CTNNA3: variants seen among roughly 807,000 people sequenced by gnomAD.
CTNNA3 encodes catenin alpha 3.
In CTNNA3, 76 loss-of-function variants were observed where a neutral mutation model predicts 95.7. The observed-to-expected ratio is 0.79, with a 90% confidence interval of 0.66 to 0.96. The LOEUF (loss-of-function observed/expected upper bound fraction) is 0.96, where lower values mean the gene tolerates loss of function less well. Ranked by LOEUF, CTNNA3 falls within the 40% of genes least tolerant of loss-of-function variation. The pLI is 0.00. For synonymous variants in CTNNA3, 431 were observed against 374.4 expected (o/e 1.15, Z -1.74); for missense variants, 1,191 against 1,089.8 (o/e 1.09, Z -1.31).
intron 9 of CTNNA3, among the ~76,000 whole-genome samples, chr10:66,680,062 G>A (rs546289056): frequency 1.4e-4 from 21 of 152,064 alleles, no homozygotes; most frequent in African/African-American, 4.1e-4. Flanking sequence ...GCTTGATCTC[G>A]GCTCACTGCA....
At chr10:67,201,377 T>C (rs567533500) in intron 6 of CTNNA3, among the ~76,000 whole-genome samples, 1 of 152,308 alleles carries the variant, frequency 6.6e-6, no homozygotes, top group South Asian at 2.1e-4. Flanking sequence ...CTGCAGGACA[T>C]GACATATGCC....
chr10:67,455,523 G>A (rs2132976705), intron 5 of CTNNA3, among the ~76,000 whole-genome samples: 1 of 152,176 alleles, frequency 6.6e-6, no homozygotes, highest in Admixed American at 6.6e-5. Flanking sequence ...CCTTGCAGTG[G>A]AAAAACCTGG....
intron 7 of CTNNA3, among the ~76,000 whole-genome samples, chr10:66,954,598 T>C (rs1039500051): frequency 6.6e-6 from 1 of 152,176 alleles, no homozygotes; most frequent in Non-Finnish European, 1.5e-5. Flanking sequence ...GTTAAAATTA[T>C]GTCAAATTGT....
intron 11 of CTNNA3, among the ~76,000 whole-genome samples, chr10:66,438,170 C>T (rs80106316): frequency 0.022 from 3,423 of 152,216 alleles, 131 homozygotes; most frequent in African/African-American, 0.078. Context: ...CAGGAGGCAC[C>T]GGGTTCAGGG....
intron 7 of CTNNA3, among the ~76,000 whole-genome samples, chr10:66,872,003 T>C (rs2132442453): frequency 6.6e-6 from 1 of 152,342 alleles, no homozygotes; most frequent in South Asian, 2.1e-4. Context: ...TCTGAGACTA[T>C]ATTCTCTATT....
chr10:67,438,197 T>C (rs12268959), intron 5 of CTNNA3, among the ~76,000 whole-genome samples: 6,625 of 152,260 alleles, frequency 0.044, 173 homozygotes, highest in South Asian at 0.098. Flanking sequence ...ATGATGGGAA[T>C]GTTCCCACCA....
chr10:66,209,675 T>C (rs1211758259), intron 13 of CTNNA3, among the ~76,000 whole-genome samples: 6 of 151,988 alleles, frequency 3.9e-5, no homozygotes, highest in African/African-American at 9.7e-5. Context: ...ATGAAAAAAA[T>C]AGAGGAGTCA....
chr10:67,257,524 G>T (rs1198079258), intron 5 of CTNNA3, among the ~76,000 whole-genome samples: 1 of 152,120 alleles, frequency 6.6e-6, no homozygotes, highest in Non-Finnish European at 1.5e-5. Context: ...TTCTTGGCTT[G>T]TGCTTCTTTT....
At chr10:66,529,197 T>C (rs962917992) in intron 10 of CTNNA3, among the ~76,000 whole-genome samples, 1 of 152,070 alleles carries the variant, frequency 6.6e-6, no homozygotes, top group African/African-American at 2.4e-5. Context: ...GGTGCGATCT[T>C]GGCTCACTGC....
intron 9 of CTNNA3, among the ~76,000 whole-genome samples, chr10:66,701,615 A>C (rs993552569): frequency 6.6e-6 from 1 of 152,262 alleles, no homozygotes; most frequent in African/African-American, 2.4e-5. Flanking sequence ...TTATTGTAAA[A>C]GGTTTTACTA....
intron 7 of CTNNA3, among the ~76,000 whole-genome samples, chr10:67,087,648 C>G (rs1279426192): frequency 6.6e-5 from 10 of 151,894 alleles, no homozygotes; most frequent in South Asian, 6.2e-4. Context: ...TGTGCCTCAT[C>G]ATTAGTGTGG....
chr10:66,637,381 T>C (rs1388063862), intron 9 of CTNNA3, among the ~76,000 whole-genome samples: 3 of 152,228 alleles, frequency 2.0e-5, no homozygotes, highest in Non-Finnish European at 2.9e-5. Context: ...ATCAGCCACA[T>C]GGCACTACAT....
At chr10:66,127,202 G>A (rs185155151) in intron 13 of CTNNA3, among the ~76,000 whole-genome samples, 3,511 of 150,544 alleles carry the variant, frequency 0.023, 64 homozygotes, top group Non-Finnish European at 0.034. Flanking sequence ...AACCCAGGAG[G>A]CGGAGCTTGC....
chr10:67,286,266 C>T (rs183024721), intron 5 of CTNNA3, among the ~76,000 whole-genome samples: 2 of 152,252 alleles, frequency 1.3e-5, no homozygotes, highest in Admixed American at 1.3e-4. Flanking sequence ...CTCATGACAG[C>T]TATATTCAAT....
chr10:65,996,972 G>C (rs935065556), intron 15 of CTNNA3, among the ~76,000 whole-genome samples: 4 of 152,064 alleles, frequency 2.6e-5, no homozygotes, highest in Admixed American at 1.3e-4. Context: ...TTGGAGTCCT[G>C]TTCCAATCTT....
chr10:67,615,032 G>A (rs1416236629), intron 2 of CTNNA3, among the ~76,000 whole-genome samples: 1 of 152,180 alleles, frequency 6.6e-6, no homozygotes, highest in Non-Finnish European at 1.5e-5. Context: ...CAAAGGCCCT[G>A]TCTCCAACTA....
intron 15 of CTNNA3, among the ~76,000 whole-genome samples, chr10:65,997,668 A>G (rs80283234): frequency 0.012 from 1,852 of 151,580 alleles, 24 homozygotes; most frequent in African/African-American, 0.033. Flanking sequence ...TCTTCCTTAC[A>G]TGGTTTATTT....
At chr10:67,762,984 C>A (rs891806073) in intron 1 of CTNNA3, among the ~76,000 whole-genome samples, 3 of 152,070 alleles carry the variant, frequency 2.0e-5, no homozygotes, top group Non-Finnish European at 4.4e-5. Flanking sequence ...TCGGGGAGCT[C>A]GGTTTTTCAG....
At chr10:66,105,126 C>CA (rs1346098989) in intron 13 of CTNNA3, among the ~76,000 whole-genome samples, 1 of 152,184 alleles carries the variant, frequency 6.6e-6, no homozygotes, top group African/African-American at 2.4e-5. Context: ...CCAAAGCCTT[C>CA]AATGTGCTAT....
Sources: allele counts gnomAD v4.1 joint callset (sites outside exome capture counted in the v4.1 genomes callset), GRCh38; gene constraint gnomAD v4.1.1; transcripts MANE v1.5; gene names NCBI Gene and HGNC (gene_info 2026-07-23, HGNC 2026-07-21).